The following SLF2 variants were observed in gnomAD, a reference collection of about 807,000 sequenced individuals.
SLF2 encodes SMC5/6 complex localization factor 2, also known as SMC5-SMC6 complex localization factor protein 2.
SLF2 carries 68 observed loss-of-function variants against 124.3 expected under a neutral mutation model. The ratio of observed to expected loss-of-function variants is 0.55; its 90% CI spans 0.45 to 0.67. SLF2 has a LOEUF of 0.67. SLF2 is among the 30% of genes least tolerant of loss of function. The probability of loss-of-function intolerance (pLI) is 0.00; values close to 1 mark genes in which losing one functional copy is unlikely to be tolerated. For synonymous variants in SLF2, 480 were observed against 478.8 expected (o/e 1.00, Z -0.03); for missense variants, 1,246 against 1,373.7 (o/e 0.91, Z 1.47).
chr10:100,933,680 G>C (rs1432919037), intron 9 of SLF2, among the ~76,000 whole-genome samples: 1 of 151,680 alleles, frequency 6.6e-6, no homozygotes, highest in African/African-American at 2.4e-5. Flanking sequence ...TTATTTATTT[G>C]TTTGTTTGTT....
At chr10:100,941,515 C>CA (rs937155198) in intron 11 of SLF2, among the ~76,000 whole-genome samples, 6 of 152,020 alleles carry the variant, frequency 3.9e-5, no homozygotes, top group Admixed American at 2.0e-4. Context: ...CCTAGCCTGG[C>CA]AAAAAAATCT....
intron 9 of SLF2, among the ~76,000 whole-genome samples, chr10:100,933,109 CA>C (rs1849777998): frequency 6.6e-6 from 1 of 152,042 alleles, no homozygotes; most frequent in Admixed American, 6.5e-5. Flanking sequence ...ATCAAAAAAA[CA>C]AACAAAAAAT....
chr10:100,936,901 G>C (rs550007781), intron 9 of SLF2, among the ~76,000 whole-genome samples: 37 of 151,080 alleles, frequency 2.4e-4, no homozygotes, highest in Admixed American at 7.9e-4. Flanking sequence ...AATGTAAAGA[G>C]CTCTGACTTT....
intron 8 of SLF2, 93 bp from the exon 9 acceptor site, chr10:100,930,883 A>G (rs1045794459): frequency 1.0e-6 from 1 of 956,770 alleles, no homozygotes; most frequent in Non-Finnish European, 1.7e-6. Flanking sequence ...TTGCTTGCTC[A>G]TTTCTCTGAT....
In SLF2 at chr10:100,934,440, C is replaced by T. The variant is rs1009826076; in HGVS notation, c.2437-2962C>T. Among the ~76,000 whole-genome samples the T allele has an allele frequency of 7.9e-5, 12 of 152,254 alleles. No homozygotes were observed. In the East Asian group the frequency reaches 1.9e-3, roughly 25 times the overall value. ...GTTAGAAACCTTGTCCTATGTGTAA[C>T]ATGTCTGTGAATGGTGTTGCCTCCT... On this transcript the variant is annotated intron_variant, in intron 9 of 19. Transcript: ENST00000238961.
At chr10:100,935,361 C>T (rs1194337639) in intron 9 of SLF2, among the ~76,000 whole-genome samples, 2 of 151,656 alleles carry the variant, frequency 1.3e-5, no homozygotes, top group Admixed American at 1.3e-4. Context: ...CACCACTGCA[C>T]TCCAGCCTGG....
intron 4 of SLF2, 33 bp downstream of exon 4, chr10:100,918,474 A>G: frequency 7.0e-7 from 1 of 1,423,654 alleles, no homozygotes; most frequent in Non-Finnish European, 9.7e-7. Context: ...GGATTTCTAA[A>G]TAAATTTCCA....
rs1333678024 is a variant in SLF2, at chr10:100,916,054, G to C, written c.184+12G>C. 6.2e-7 allele frequency: 1 copy of C among 1,603,820 alleles called. No homozygotes were observed. The highest frequency in any genetic ancestry group is 1.7e-5 in the Admixed American group (1 of 59,610). On this transcript the variant is annotated intron_variant, in intron 2 of 19. Coordinates refer to ENST00000238961, the MANE Select transcript of SLF2 (RefSeq NM_018121.4). ...AGCTTCAAAACAAGGTATGTACACT[G>C]TTGATGCATTTTTTGTGGGCTATTT...
At chr10:100,917,371 T>C (rs1849437577) in intron 3 of SLF2, 71 bp downstream of exon 3, 1 of 1,461,124 alleles carries the variant, frequency 6.8e-7, no homozygotes, top group Non-Finnish European at 9.1e-7. Flanking sequence ...TTTAAAAATA[T>C]TTAAGAGTTG....
intron 11 of SLF2, among the ~76,000 whole-genome samples, chr10:100,940,041 C>T (rs1306179294): frequency 9.2e-5 from 14 of 152,178 alleles, no homozygotes; most frequent in Non-Finnish European, 1.6e-4. Flanking sequence ...CAAGAATGTT[C>T]TTAAACACTT....
intron 12 of SLF2, among the ~76,000 whole-genome samples, chr10:100,944,882 TAGTC>T (rs919231140): frequency 2.6e-5 from 4 of 151,706 alleles, no homozygotes; most frequent in African/African-American, 4.8e-5. Flanking sequence ...AAAAAAAAAT[TAGTC>T]AGGCGTGGTG....
chr10:100,941,136 G>T (rs971336647), intron 11 of SLF2, among the ~76,000 whole-genome samples: 1 of 151,984 alleles, frequency 6.6e-6, no homozygotes, highest in African/African-American at 2.4e-5. Context: ...CACTGCACCT[G>T]GCCATCACTT....
chr10:100,955,370 T>C (rs937412623), intron 17 of SLF2, among the ~76,000 whole-genome samples: 1 of 152,196 alleles, frequency 6.6e-6, no homozygotes, highest in Admixed American at 6.5e-5. Flanking sequence ...TGTCAACAAA[T>C]GTTAGCTCTG....
chr10:100,957,330 A>ATTTTTTTTTTTTTTT (rs71013477), intron 18 of SLF2, among the ~76,000 whole-genome samples: 5 of 91,858 alleles, frequency 5.4e-5, no homozygotes, highest in Non-Finnish European at 7.7e-5. Flanking sequence ...GGAGTCTTCA[A>ATTTTTTTTTTTTTTT]TTTTTTTTTT....
chr10:100,933,488 T>A (rs1027267834), intron 9 of SLF2, among the ~76,000 whole-genome samples: 1 of 152,180 alleles, frequency 6.6e-6, no homozygotes, highest in East Asian at 1.9e-4. Context: ...TCCTAACCAG[T>A]ATTTTGTAAG....
intron 9 of SLF2, among the ~76,000 whole-genome samples, chr10:100,935,276 T>A (rs1393931520): frequency 6.6e-6 from 1 of 152,002 alleles, no homozygotes; most frequent in Non-Finnish European, 1.5e-5. Flanking sequence ...GTGCCTGTAA[T>A]CCCAGCTACT....
intron 19 of SLF2, among the ~76,000 whole-genome samples, chr10:100,960,307 C>A (rs969848829): frequency 3.3e-5 from 5 of 152,184 alleles, no homozygotes; most frequent in Non-Finnish European, 7.4e-5. Context: ...ATTGCTGGGC[C>A]ATATGGTAAT....
At chr10:100,945,707 A>G (rs1341661177) in intron 13 of SLF2, among the ~76,000 whole-genome samples, 2 of 152,220 alleles carry the variant, frequency 1.3e-5, no homozygotes. Context: ...TCTTTATCCA[A>G]CAAAAATGTG....
intron 10 of SLF2, 141 bp downstream of exon 10, chr10:100,937,618 G>T (rs932336014): frequency 5.0e-5 from 27 of 535,160 alleles, no homozygotes; most frequent in East Asian, 1.0e-4. Context: ...GTTTTTTTTG[G>T]TTTTTTTTTT....
Sources: gnomAD v4.1 joint callset for allele counts (sites outside exome capture counted in the v4.1 genomes callset) on GRCh38, gnomAD v4.1.1 for gene constraint, MANE v1.5 for transcripts, NCBI Gene and HGNC (gene_info 2026-07-23, HGNC 2026-07-21) for gene names.